Variants in RGS6 observed in about 807,000 individuals in gnomAD.
RGS6 encodes regulator of G protein signaling 6, also known as regulator of G-protein signaling 6.
RGS6 carries 30 observed loss-of-function variants against 78.5 expected under a neutral mutation model. The observed-to-expected ratio is 0.38, with a 90% confidence interval of 0.29 to 0.52. The LOEUF (loss-of-function observed/expected upper bound fraction) is 0.52. Ranked by LOEUF, RGS6 falls within the 20% of genes least tolerant of loss-of-function variation. The pLI, the probability that RGS6 is intolerant of heterozygous loss-of-function variation, is 0.85. For missense variants in RGS6, 495 were observed against 609.7 expected (o/e 0.81, Z 1.98); for synonymous variants, 206 against 206.0 (o/e 1.00, Z 0.00).
chr14:71,922,856 AAAAAC>A, the RGS6 span, among the ~76,000 whole-genome samples: 925 of 150,770 alleles, frequency 6.1e-3, 9 homozygotes, highest in African/African-American at 0.016. Flanking sequence ...GACAAAAAAC[AAAAAC>A]AAAACAAAAC....
intron 2 of RGS6, among the ~76,000 whole-genome samples, chr14:72,192,018 C>A (rs920497948): frequency 9.2e-5 from 14 of 152,154 alleles, no homozygotes; most frequent in African/African-American, 2.4e-5. Context: ...GGCAAGCAGA[C>A]ATGCACGTGG....
chr14:72,523,232 G>C (rs2097073139), intron 15 of RGS6, among the ~76,000 whole-genome samples: 1 of 152,206 alleles, frequency 6.6e-6, no homozygotes, highest in Non-Finnish European at 1.5e-5. Flanking sequence ...CTGAGGGCTT[G>C]GTGGTCGCAC....
At chr14:72,553,424 A>T (rs552375402) in intron 17 of RGS6, 3 of 152,716 alleles carry the variant, frequency 2.0e-5, no homozygotes, top group East Asian at 3.9e-4. Flanking sequence ...GTGTTCCAAA[A>T]TCCAAAAGAG....
intron 2 of RGS6, among the ~76,000 whole-genome samples, chr14:72,233,972 G>C (rs1019838774): frequency 2.0e-5 from 3 of 152,110 alleles, no homozygotes; most frequent in Admixed American, 6.6e-5. Context: ...ACATCATTTG[G>C]GGGTAGCGGC....
At chr14:72,081,852 G>A (rs765229039) in intron 2 of RGS6, among the ~76,000 whole-genome samples, 1 of 151,716 alleles carries the variant, frequency 6.6e-6, no homozygotes, top group African/African-American at 2.4e-5. Flanking sequence ...ACTTCTTCTC[G>A]TAATTTTTTA....
At chr14:72,604,629 C>T in the RGS6 span, among the ~76,000 whole-genome samples, 654 of 152,298 alleles carry the variant, frequency 4.3e-3, 7 homozygotes, top group African/African-American at 0.015. Flanking sequence ...ACATGCACCT[C>T]TGTGGACACA....
intron 2 of RGS6, among the ~76,000 whole-genome samples, chr14:72,025,293 C>G (rs2089616916): frequency 6.6e-6 from 1 of 151,966 alleles, no homozygotes; most frequent in African/African-American, 2.4e-5. Context: ...CAAGTTGTAT[C>G]TGTCCCGTGT....
intron 2 of RGS6, among the ~76,000 whole-genome samples, chr14:72,172,170 G>A (rs565054993): frequency 1.1e-4 from 17 of 152,014 alleles, no homozygotes; most frequent in Admixed American, 2.0e-4. Flanking sequence ...AATGGGCTGC[G>A]CTAGTTTGCA....
intron 12 of RGS6, among the ~76,000 whole-genome samples, chr14:72,482,773 G>A (rs779381114): frequency 3.9e-5 from 6 of 152,196 alleles, no homozygotes; most frequent in East Asian, 1.9e-4. Context: ...GCATTCTGTC[G>A]CTTCTGTTAC....
chr14:72,184,369 A>AACAC (rs10638767), intron 2 of RGS6, among the ~76,000 whole-genome samples: 28,120 of 141,156 alleles, frequency 0.2, 3,015 homozygotes, highest in South Asian at 0.27. Flanking sequence ...TTTACTTTCA[A>AACAC]ACACACACAC....
chr14:72,325,761 A>G (rs951445723), intron 2 of RGS6, among the ~76,000 whole-genome samples: 2 of 152,214 alleles, frequency 1.3e-5, no homozygotes, highest in Non-Finnish European at 2.9e-5. Flanking sequence ...AGAAAGAAAC[A>G]TGATGTAAAC....
chr14:72,201,152 G>A (rs1207185165), intron 2 of RGS6, among the ~76,000 whole-genome samples: 2 of 152,158 alleles, frequency 1.3e-5, no homozygotes, highest in Admixed American at 1.3e-4. Context: ...GATGGCTGCC[G>A]TGGGATGTAT....
chr14:72,338,884 C>T (rs993867799), intron 2 of RGS6, among the ~76,000 whole-genome samples: 8 of 152,160 alleles, frequency 5.3e-5, no homozygotes, highest in East Asian at 1.9e-4. Context: ...GGGAAATGAA[C>T]ATTATTGAGG....
intron 13 of RGS6, among the ~76,000 whole-genome samples, chr14:72,496,851 C>T (rs2096651567): frequency 1.3e-5 from 2 of 151,410 alleles, no homozygotes. Flanking sequence ...CAAATATGTA[C>T]ATATATATAT....
intron 3 of RGS6, among the ~76,000 whole-genome samples, chr14:72,375,138 T>C (rs910578314): frequency 3.9e-5 from 6 of 152,144 alleles, no homozygotes; most frequent in African/African-American, 1.4e-4. Flanking sequence ...AATTCTAACA[T>C]CTAACCAAAT....
chr14:72,453,227 G>A (rs932932919), intron 3 of RGS6, among the ~76,000 whole-genome samples: 1 of 152,066 alleles, frequency 6.6e-6, no homozygotes, highest in Non-Finnish European at 1.5e-5. Flanking sequence ...GAGTTTCCAG[G>A]TACTAGGGAT....
intron 2 of RGS6, among the ~76,000 whole-genome samples, chr14:72,345,257 G>C (rs1284220862): frequency 2.0e-5 from 3 of 152,186 alleles, no homozygotes; most frequent in Non-Finnish European, 4.4e-5. Flanking sequence ...TCATAGAATA[G>C]AGCCTCTGCA....
chr14:72,078,407 TTTTC>T (rs747832994), intron 2 of RGS6, among the ~76,000 whole-genome samples: 24 of 151,948 alleles, frequency 1.6e-4, no homozygotes, highest in Non-Finnish European at 1.8e-4. Context: ...TCTTTTATTC[TTTTC>T]TTTCTTTCTT....
intron 2 of RGS6, among the ~76,000 whole-genome samples, chr14:72,010,272 T>C (rs1010242130): frequency 7.9e-5 from 12 of 152,202 alleles, no homozygotes; most frequent in African/African-American, 2.9e-4. Context: ...TACTCTATCA[T>C]ATGATTGCCT....
Sources: allele counts gnomAD v4.1 joint callset (sites outside exome capture counted in the v4.1 genomes callset), GRCh38; gene constraint gnomAD v4.1.1; transcripts MANE v1.5; gene names NCBI Gene and HGNC (gene_info 2026-07-23, HGNC 2026-07-21).